CDK5RAP2: variants seen among roughly 807,000 people sequenced by gnomAD.
The protein encoded by CDK5RAP2 is CDK5 regulatory subunit associated protein 2.
CDK5RAP2 carries 147 observed loss-of-function variants against 232.9 expected under a neutral mutation model. That is an observed-to-expected ratio of 0.63 (90% CI 0.55 to 0.72). The LOEUF (loss-of-function observed/expected upper bound fraction) is 0.72. Ranked by LOEUF, CDK5RAP2 falls within the 30% of genes least tolerant of loss-of-function variation. The probability of loss-of-function intolerance (pLI) is 0.00; values close to 1 mark genes in which losing one functional copy is unlikely to be tolerated. For synonymous variants in CDK5RAP2, 833 were observed against 833.7 expected (o/e 1.00, Z 0.01); for missense variants, 2,195 against 2,231.5 (o/e 0.98, Z 0.33).
intron 22 of CDK5RAP2, among the ~76,000 whole-genome samples, chr9:120,446,634 G>A (rs2036209133): frequency 6.6e-6 from 1 of 152,136 alleles, no homozygotes; most frequent in Non-Finnish European, 1.5e-5. Flanking sequence ...GCCTTTGAGA[G>A]CCTGCCTGAT....
At chr9:120,398,149 A>T (rs2032683237) in intron 35 of CDK5RAP2, among the ~76,000 whole-genome samples, 1 of 152,184 alleles carries the variant, frequency 6.6e-6, no homozygotes, top group South Asian at 2.1e-4. Flanking sequence ...TAGAACAGAC[A>T]TTGTTTCTAA....
intron 10 of CDK5RAP2, among the ~76,000 whole-genome samples, chr9:120,526,087 G>A (rs1473760515): frequency 6.6e-6 from 1 of 152,158 alleles, no homozygotes; most frequent in African/African-American, 2.4e-5. Context: ...GTCCTCTGCA[G>A]TCCCATCATC....
intron 3 of CDK5RAP2, among the ~76,000 whole-genome samples, chr9:120,552,123 C>T (rs1338766100): frequency 6.6e-6 from 1 of 151,890 alleles, no homozygotes; most frequent in Non-Finnish European, 1.5e-5. Context: ...CAGAGAAATG[C>T]AAATCAAAAC....
chr9:120,522,681 A>T (rs1476932441), intron 11 of CDK5RAP2, among the ~76,000 whole-genome samples: 1 of 152,182 alleles, frequency 6.6e-6, no homozygotes, highest in Non-Finnish European at 1.5e-5. Flanking sequence ...CCACACTATC[A>T]CCTTCACAGT....
At chr9:120,552,667 G>C (rs1345729239) in intron 3 of CDK5RAP2, among the ~76,000 whole-genome samples, 2 of 134,372 alleles carry the variant, frequency 1.5e-5, no homozygotes, top group Non-Finnish European at 3.1e-5. Context: ...CACAGGAAGG[G>C]GAACATCACA....
chr9:120,537,445 C>T (rs757163328), intron 6 of CDK5RAP2, among the ~76,000 whole-genome samples: 6 of 151,838 alleles, frequency 4.0e-5, no homozygotes, highest in Non-Finnish European at 5.9e-5. Context: ...CAATGAAAGC[C>T]GAAAAAAATC....
chr9:120,577,828 C>A (rs907562613), intron 1 of CDK5RAP2, among the ~76,000 whole-genome samples: 3 of 152,184 alleles, frequency 2.0e-5, no homozygotes, highest in Non-Finnish European at 4.4e-5. Flanking sequence ...CCAGCTAGGC[C>A]TGGGACCCCA....
chr9:120,529,943 A>G (rs1231713052), intron 8 of CDK5RAP2, 35 bp downstream of exon 8: 1 of 1,607,418 alleles, frequency 6.2e-7, no homozygotes, highest in Non-Finnish European at 8.5e-7. Flanking sequence ...CTGGTTGGCT[A>G]ATTAAAGCCC....
In CDK5RAP2 at chr9:120,405,392, G is replaced by A. The variant is rs79502812; in HGVS notation, c.4964-1279C>T. Among the ~76,000 whole-genome samples, 529 of 152,274 alleles carry A rather than the reference G, an allele frequency of 3.5e-3. 4 individuals are homozygous for A. Among genetic ancestry groups the A allele is most frequent in the Middle Eastern group, 0.01 (3 of 294 alleles). On this transcript the variant is annotated intron_variant, in intron 32 of 37. Transcript: ENST00000349780. The stretch of plus-strand genomic sequence containing the variant: ...CCAGGCATGATGAGGGCTGCTTTCG[G>A]CAAATTTCAAAAGCAGGTAAAGGCT...
In CDK5RAP2 at chr9:120,410,674, A is replaced by G. The variant is rs561012799; in HGVS notation, c.4414+684T>C. On this transcript the variant is annotated intron_variant, in intron 29 of 37. Transcript: ENST00000349780. ...GAATGAGTGACTGACAGAGGCCCCA[A>G]TTTCATCTCTTAAGCCAAAAGGAGC... 5.9e-5 allele frequency among the ~76,000 whole-genome samples: 9 copies of G among 152,320 alleles called. No homozygotes were observed. In the East Asian group the frequency reaches 1.5e-3, roughly 26 times the overall value.
chr9:120,560,643 GTCTC>G (rs1481639262), intron 3 of CDK5RAP2, among the ~76,000 whole-genome samples: 9 of 152,110 alleles, frequency 5.9e-5, no homozygotes, highest in Admixed American at 3.3e-4. Flanking sequence ...TGAGACAAGA[GTCTC>G]TCTCTGTCAC....
chr9:120,470,482 T>C (rs562591644), intron 16 of CDK5RAP2, among the ~76,000 whole-genome samples: 46 of 152,344 alleles, frequency 3.0e-4, no homozygotes, highest in South Asian at 6.2e-4. Flanking sequence ...AACTGTGAAT[T>C]ATAATTTGCA....
At chr9:120,551,757 C>T (rs1229969780) in intron 3 of CDK5RAP2, among the ~76,000 whole-genome samples, 1 of 152,132 alleles carries the variant, frequency 6.6e-6, no homozygotes, top group African/African-American at 2.4e-5. Flanking sequence ...ACAGAAACAA[C>T]CATATGATGA....
At chr9:120,552,786 A>G (rs1421673126) in intron 3 of CDK5RAP2, among the ~76,000 whole-genome samples, 2 of 151,930 alleles carry the variant, frequency 1.3e-5, no homozygotes, top group Non-Finnish European at 2.9e-5. Context: ...TGGCACATGT[A>G]TACGTATGTA....
chr9:120,569,476 G>C (rs1019730259), intron 2 of CDK5RAP2, among the ~76,000 whole-genome samples: 1 of 143,202 alleles, frequency 7.0e-6, no homozygotes, highest in African/African-American at 2.5e-5. Context: ...TCAATGAGAA[G>C]GTGACATCTG....
chr9:120,455,003 T>C (rs887408691), intron 20 of CDK5RAP2, among the ~76,000 whole-genome samples: 2 of 152,158 alleles, frequency 1.3e-5, no homozygotes, highest in East Asian at 1.9e-4. Flanking sequence ...TAAGCCAGCA[T>C]GTAAAACACC....
At chr9:120,498,132 G>A (rs2039401680) in intron 12 of CDK5RAP2, among the ~76,000 whole-genome samples, 1 of 152,178 alleles carries the variant, frequency 6.6e-6, no homozygotes, top group African/African-American at 2.4e-5. Flanking sequence ...TCACGTGCTT[G>A]CCCTTTCCCA....
intron 20 of CDK5RAP2, 121 bp downstream of exon 20, chr9:120,458,329 G>A: frequency 2.1e-6 from 2 of 948,328 alleles, no homozygotes; most frequent in Admixed American, 2.0e-5. Flanking sequence ...TTCCTTCCAA[G>A]CCATTTCAGG....
At chr9:120,559,355 C>T (rs1290360606) in intron 3 of CDK5RAP2, among the ~76,000 whole-genome samples, 1 of 151,400 alleles carries the variant, frequency 6.6e-6, no homozygotes, top group Non-Finnish European at 1.5e-5. Context: ...AGCATGGTGG[C>T]GGGTGCCTGT....
Sources: gnomAD v4.1 joint callset for allele counts (sites outside exome capture counted in the v4.1 genomes callset) on GRCh38, gnomAD v4.1.1 for gene constraint, MANE v1.5 for transcripts, NCBI Gene and HGNC (gene_info 2026-07-23, HGNC 2026-07-21) for gene names.